USP43: variants seen among roughly 807,000 people sequenced by gnomAD.
The protein encoded by USP43 is ubiquitin specific peptidase 43, also known as ubiquitin carboxyl-terminal hydrolase 43.
USP43 carries 33 observed loss-of-function variants against 90.7 expected under a neutral mutation model. The observed-to-expected ratio is 0.36, with a 90% CI of 0.28 to 0.49. The LOEUF is 0.49. USP43 is among the 20% of genes least tolerant of loss of function. The pLI, the probability that USP43 is intolerant of heterozygous loss-of-function variation, is 0.98. For missense variants in USP43, 1,274 were observed against 1,476.4 expected, an observed-to-expected ratio of 0.86 and a Z score of 2.25; for synonymous variants, 598 against 615.8, an observed-to-expected ratio of 0.97 and a Z score of 0.43.
At chr17:9,722,674 T>C (rs1188014625) in intron 14 of USP43, among the ~76,000 whole-genome samples, 1 of 152,188 alleles carries the variant, frequency 6.6e-6, no homozygotes, top group African/African-American at 2.4e-5. Context: ...CTTTCACCAC[T>C]GTCTTCTCTC....
chr17:9,684,695 G>A (rs1440550459), intron 7 of USP43, among the ~76,000 whole-genome samples: 8 of 150,598 alleles, frequency 5.3e-5, no homozygotes, highest in African/African-American at 1.7e-4. Flanking sequence ...CCCGGGAGGC[G>A]GAGGTTGCGG....
At chr17:9,665,003 G>A (rs1912930682) in intron 2 of USP43, among the ~76,000 whole-genome samples, 1 of 152,160 alleles carries the variant, frequency 6.6e-6, no homozygotes, top group South Asian at 2.1e-4. Flanking sequence ...TTGATTCTGG[G>A]ATTGCCCTTA....
intron 14 of USP43, among the ~76,000 whole-genome samples, chr17:9,722,903 G>C (rs1917041281): frequency 6.6e-6 from 1 of 152,180 alleles, no homozygotes; most frequent in South Asian, 2.1e-4. Context: ...TGAGCCGTCT[G>C]TCCTGCATGT....
At chr17:9,653,175 ACCT>A (rs1041094773) in intron 1 of USP43, among the ~76,000 whole-genome samples, 4 of 152,242 alleles carry the variant, frequency 2.6e-5, no homozygotes, top group African/African-American at 9.6e-5. Flanking sequence ...TGAAGTTGTC[ACCT>A]CCTTTCTGAA....
At chr17:9,724,845 G>C (rs1000311548) in intron 14 of USP43, among the ~76,000 whole-genome samples, 1 of 152,228 alleles carries the variant, frequency 6.6e-6, no homozygotes, top group East Asian at 1.9e-4. Flanking sequence ...TTTTTTGAAG[G>C]AGTAAGCGGG....
rs2151979266 is a variant in USP43 at position 9,686,741 on chromosome 17, G to T, written c.1242-57G>T. On this transcript the variant is annotated intron_variant, in intron 7 of 14. Coordinates refer to ENST00000285199, the MANE Select transcript of USP43 (RefSeq NM_153210.5). This position sits in a 1 kb window ranked among gnomAD's most constrained non-coding sequence, Gnocchi z 5.5. ...AGGGTTAGAACAACCACTCATGACT[G>T]GTGGATGTTGCTGGTTTTTCCTTTG... The T allele has an allele frequency of 6.8e-7, 1 of 1,476,226 alleles. No homozygotes were observed. Among genetic ancestry groups the T allele is most frequent in the South Asian group, 1.2e-5 (1 of 84,948 alleles). 91.4% of individuals were successfully genotyped at this position (1,476,226 alleles called of 1,614,324 possible).
In USP43 at chr17:9,729,149, C is replaced by T. The variant is rs1466103757; in HGVS notation, c.*159C>T. 1.2e-5 allele frequency: 7 copies of T among 567,752 alleles called. No individual in the cohort carries two copies. The highest frequency in any genetic ancestry group is 1.9e-5 in the Non-Finnish European group (7 of 362,444). 35.2% of individuals were successfully genotyped at this position (567,752 alleles called of 1,614,324 possible). ...GTGGTGGGGGGTCTCCATATCTAGA[C>T]TTCCAACACCCAAGGTCCATATAAC... On this transcript the variant is annotated 3_prime_UTR_variant, in exon 15 of 15. Transcript: ENST00000285199.
chr17:9,652,511 G>A (rs1047566849), intron 1 of USP43, among the ~76,000 whole-genome samples: 4 of 152,054 alleles, frequency 2.6e-5, no homozygotes, highest in East Asian at 1.9e-4. Context: ...ACAGGTGCCC[G>A]CCACCACGTC....
At chr17:9,653,527 G>C (rs1158801593) in intron 1 of USP43, among the ~76,000 whole-genome samples, 1 of 152,074 alleles carries the variant, frequency 6.6e-6, no homozygotes, top group Non-Finnish European at 1.5e-5. Flanking sequence ...GACCAAGGTT[G>C]CAGTGAGCCA....
intron 9 of USP43, among the ~76,000 whole-genome samples, chr17:9,698,279 C>G (rs1206584396): frequency 6.6e-6 from 1 of 152,182 alleles, no homozygotes; most frequent in African/African-American, 2.4e-5. Flanking sequence ...CTGTAGGCTG[C>G]CTCTTTATTC....
intron 12 of USP43, among the ~76,000 whole-genome samples, chr17:9,706,171 T>C (rs894164381): frequency 6.6e-6 from 1 of 152,236 alleles, no homozygotes; most frequent in African/African-American, 2.4e-5. Context: ...TATCCTTGAC[T>C]GTTTTTCAAA....
intron 9 of USP43, among the ~76,000 whole-genome samples, chr17:9,693,986 G>A (rs904819723): frequency 2.0e-5 from 3 of 152,228 alleles, no homozygotes; most frequent in African/African-American, 7.2e-5. Flanking sequence ...GAGTGTGCCT[G>A]AGGCTTAAAG....
intron 2 of USP43, among the ~76,000 whole-genome samples, chr17:9,658,542 C>T (rs1285614591): frequency 6.6e-6 from 1 of 152,142 alleles, no homozygotes; most frequent in Admixed American, 6.6e-5. Flanking sequence ...CCAAAACATA[C>T]AAATGAAACG....
intron 12 of USP43, among the ~76,000 whole-genome samples, chr17:9,702,919 C>A (rs1472125907): frequency 3.3e-5 from 5 of 152,154 alleles, no homozygotes; most frequent in African/African-American, 1.2e-4. Context: ...GATGGTGGGC[C>A]AGCCTAGGCT....
At chr17:9,681,265 TG>T (rs1914207326) in intron 6 of USP43, among the ~76,000 whole-genome samples, 1 of 112,606 alleles carries the variant, frequency 8.9e-6, no homozygotes, top group South Asian at 2.4e-4. Context: ...TTAATATATT[TG>T]ATATATATTT....
At chr17:9,683,883 T>C (rs1409667373) in intron 7 of USP43, among the ~76,000 whole-genome samples, 1 of 152,094 alleles carries the variant, frequency 6.6e-6, no homozygotes, top group Non-Finnish European at 1.5e-5. Flanking sequence ...AAGGAAGCCA[T>C]GAAATAACTT....
chr17:9,674,307 C>G lies in USP43; in HGVS notation c.741-584C>G, dbSNP rs184101140. ...GTCCTGTAACATAAAGTTAAGCATTCTAAAGCGTACAAATCAGTGACATGT... is the reference window on the plus strand; with the variant it reads ...GTCCTGTAACATAAAGTTAAGCATTGTAAAGCGTACAAATCAGTGACATGT... On this transcript the variant is annotated intron_variant, in intron 3 of 14. Coordinates refer to ENST00000285199, the MANE Select transcript of USP43 (RefSeq NM_153210.5). The surrounding 1 kb of genome is among the most constrained non-coding windows in gnomAD (Gnocchi z 4.4). Among the ~76,000 whole-genome samples the G allele has an allele frequency of 6.6e-6, 1 of 152,246 alleles. No individual in the cohort carries two copies. The highest frequency in any genetic ancestry group is 2.4e-5 in the African/African-American group (1 of 41,546).
At chr17:9,723,133 A>G (rs1435188582) in intron 14 of USP43, among the ~76,000 whole-genome samples, 2 of 152,140 alleles carry the variant, frequency 1.3e-5, no homozygotes, top group African/African-American at 4.8e-5. Flanking sequence ...TCTCTCAGGC[A>G]TCTGAAGCTG....
chr17:9,716,559 G>A (rs898237228), intron 14 of USP43, among the ~76,000 whole-genome samples: 3 of 152,268 alleles, frequency 2.0e-5, no homozygotes, highest in Non-Finnish European at 4.4e-5. Flanking sequence ...CAATAAAAAA[G>A]CAAACACAGG....
Sources: gnomAD v4.1 joint callset for allele counts (sites outside exome capture counted in the v4.1 genomes callset) on GRCh38, gnomAD v4.1.1 for gene constraint, Gnocchi (gnomAD v3.1) non-coding constraint, MANE v1.5 for transcripts, NCBI Gene and HGNC (gene_info 2026-07-23, HGNC 2026-07-21) for gene names.